OCLN: variants seen among roughly 807,000 people sequenced by gnomAD.
The protein encoded by OCLN is occludin, also known as phosphatase 1, regulatory subunit 115.
Under a neutral mutation model 47.9 loss-of-function variants are expected in OCLN, and 21 were observed. That is an observed-to-expected ratio of 0.44 (90% CI 0.31 to 0.63). The LOEUF is 0.63. Among genes scored for constraint, OCLN ranks in the 30% least tolerant of loss-of-function variants. OCLN has a pLI of 0.08. For missense variants in OCLN, 360 were observed against 571.0 expected (o/e 0.63, Z 3.77); for synonymous variants, 117 against 198.4 (o/e 0.59, Z 3.45).
rs189938693 is a variant in OCLN at position 69,526,391 on chromosome 5, G to A, written c.892-8303G>A. Among the ~76,000 whole-genome samples, 15 of 152,294 alleles carry A rather than the reference G, an allele frequency of 9.8e-5. No individual in the cohort carries two copies. The East Asian group carries it at 2.9e-3, about 29-fold the overall frequency. On this transcript the variant is annotated intron_variant, in intron 4 of 8. Coordinates refer to ENST00000396442, the MANE Select transcript of OCLN (RefSeq NM_001205254.2). ...TGGAACTGCAGATGATTGGCTCACA[G>A]GCTGGGCGACCAAAGACATCCTGGC...
intron 4 of OCLN, among the ~76,000 whole-genome samples, chr5:69,520,250 TG>T: frequency 6.6e-6 from 1 of 151,848 alleles, no homozygotes. Flanking sequence ...TCAGCCACCA[TG>T]CCTGGCCTGT....
At chr5:69,526,285 G>A (rs1320321512) in intron 4 of OCLN, among the ~76,000 whole-genome samples, 1 of 152,160 alleles carries the variant, frequency 6.6e-6, no homozygotes, top group African/African-American at 2.4e-5. Context: ...CCATTAAACT[G>A]TAAGCAAGTT....
At chr5:69,504,137 A>G in intron 1 of OCLN, 40 bp from the exon 2 acceptor site, 1 of 792,124 alleles carries the variant, frequency 1.3e-6, no homozygotes, top group Admixed American at 1.9e-5. Flanking sequence ...AGAAACTGTG[A>G]GCTTAGTAGT....
At chr5:69,530,802 C>A (rs1415687452) in intron 4 of OCLN, 1 of 152,298 alleles carries the variant, frequency 6.6e-6, no homozygotes, top group East Asian at 1.9e-4. Flanking sequence ...TCAAGCTAGT[C>A]CAGTTCTGCT....
chr5:69,499,658 C>T (rs1433788587), intron 1 of OCLN, among the ~76,000 whole-genome samples: 1 of 151,970 alleles, frequency 6.6e-6, no homozygotes, highest in East Asian at 1.9e-4. Flanking sequence ...GACCTCAGCT[C>T]ACTGCAACCT....
chr5:69,500,926 A>T (rs1273521006), intron 1 of OCLN, among the ~76,000 whole-genome samples: 1 of 150,410 alleles, frequency 6.6e-6, no homozygotes, highest in Admixed American at 6.6e-5. Flanking sequence ...TTTCTGTTTT[A>T]CTTTTTTTTT....
chr5:69,506,614 G>T (rs1288685999), intron 2 of OCLN, among the ~76,000 whole-genome samples: 1 of 152,164 alleles, frequency 6.6e-6, no homozygotes, highest in Non-Finnish European at 1.5e-5. Context: ...TCCTAGGGCT[G>T]CCAGGAACCT....
chr5:69,526,181 G>A (rs1163058292), intron 4 of OCLN, among the ~76,000 whole-genome samples: 2 of 152,182 alleles, frequency 1.3e-5, no homozygotes, highest in African/African-American at 2.4e-5. Flanking sequence ...TGATGTGTGC[G>A]CTAGGCCTGG....
chr5:69,516,508 C>T (rs968915782), intron 4 of OCLN, among the ~76,000 whole-genome samples: 1 of 150,830 alleles, frequency 6.6e-6, no homozygotes, highest in Non-Finnish European at 1.5e-5. Flanking sequence ...AGAGGGAGAC[C>T]GTGGGGAGAG....
At chr5:69,534,959 T>C in intron 5 of OCLN, 120 bp downstream of exon 5, 1 of 622,794 alleles carries the variant, frequency 1.6e-6, no homozygotes, top group East Asian at 2.6e-5. Context: ...AAGCTGGATC[T>C]GGATCTTGGT....
At chr5:69,531,475 G>A (rs1769430177) in intron 4 of OCLN, among the ~76,000 whole-genome samples, 1 of 152,244 alleles carries the variant, frequency 6.6e-6, no homozygotes, top group South Asian at 2.1e-4. Flanking sequence ...GGGTTTTTAA[G>A]CAAAGGAAGG....
chr5:69,501,264 T>C (rs1327470587), intron 1 of OCLN, among the ~76,000 whole-genome samples: 2 of 152,208 alleles, frequency 1.3e-5, no homozygotes, highest in Non-Finnish European at 2.9e-5. Flanking sequence ...ATCTGGACTT[T>C]TGCCTTTTTA....
At chr5:69,522,894 C>CTTTTT (rs60505522) in intron 4 of OCLN, among the ~76,000 whole-genome samples, 2 of 116,888 alleles carry the variant, frequency 1.7e-5, no homozygotes, top group Non-Finnish European at 3.3e-5. Flanking sequence ...GCCTGGCTGA[C>CTTTTT]TTTTTTTTTT....
intron 4 of OCLN, among the ~76,000 whole-genome samples, chr5:69,516,065 C>T (rs1328662056): frequency 7.3e-5 from 11 of 150,874 alleles, no homozygotes; most frequent in African/African-American, 2.7e-4. Context: ...GGCGGCCAGG[C>T]AGAGACGCTC....
chr5:69,501,501 G>A (rs1768458145), intron 1 of OCLN, among the ~76,000 whole-genome samples: 1 of 151,934 alleles, frequency 6.6e-6, no homozygotes. Context: ...GTGGTGGCAT[G>A]TGCCTGTAGT....
rs1384727036 is a variant in OCLN at position 69,553,632 on chromosome 5, C to G, written c.1530C>G (p.Ile510Met). 11 of 1,613,816 alleles carry G rather than the reference C, an allele frequency of 6.8e-6. No individual in the cohort carries two copies. The highest frequency in any genetic ancestry group is 8.5e-6 in the Non-Finnish European group (10 of 1,179,974). ...AGTTAAAGAGCAAATTGTCACACAT[C>G]AAGAAGATGGTTGGAGACTATGATA... ...CKQLKSKLSHIKKMVGDYDRQ... is the reference protein window; with the variant it reads ...CKQLKSKLSHMKKMVGDYDRQ... Residue 510 changes from isoleucine to methionine, a missense_variant, in exon 9 of 9, where the codon ATC becomes ATG. This residue lies in a region of OCLN where 25 missense variants were observed against 43.9 expected (regional missense o/e 0.57). Transcript: ENST00000396442.
At chr5:69,522,250 G>A (rs969189223) in intron 4 of OCLN, among the ~76,000 whole-genome samples, 4 of 151,988 alleles carry the variant, frequency 2.6e-5, no homozygotes, top group South Asian at 2.1e-4. Context: ...CTGTAGTTTC[G>A]TTGGTATTTT....
intron 4 of OCLN, among the ~76,000 whole-genome samples, chr5:69,525,646 C>T (rs1034913552): frequency 3.3e-5 from 5 of 152,116 alleles, no homozygotes; most frequent in Non-Finnish European, 2.9e-5. Context: ...TTCTCTGATA[C>T]TCTTGATTTT....
At chr5:69,513,783 TATG>T (rs1258424392) in intron 3 of OCLN, among the ~76,000 whole-genome samples, 162 bp from the exon 4 acceptor site, 1 of 152,240 alleles carries the variant, frequency 6.6e-6, no homozygotes, top group Non-Finnish European at 1.5e-5. Context: ...GGTTAGGTTT[TATG>T]ATATGTCTGA....
Sources: allele counts gnomAD v4.1 joint callset (sites outside exome capture counted in the v4.1 genomes callset), GRCh38; gene constraint gnomAD v4.1.1; regional missense constraint gnomAD v4.1.1; transcripts MANE v1.5; gene names NCBI Gene and HGNC (gene_info 2026-07-23, HGNC 2026-07-21).